Variants in SYBU observed in about 807,000 individuals in gnomAD.
SYBU encodes the protein GOLSYN A protein.
A neutral mutation model predicts 35.9 loss-of-function variants in SYBU; 21 were observed. The observed-to-expected ratio is 0.58, with a 90% CI of 0.41 to 0.84. SYBU has a LOEUF of 0.84. Ranked by LOEUF, SYBU falls within the 40% of genes least tolerant of loss-of-function variation. The probability of loss-of-function intolerance (pLI) is 0.00; values close to 1 mark genes in which losing one functional copy is unlikely to be tolerated. For missense variants in SYBU, 768 were observed against 848.2 expected, an observed-to-expected ratio of 0.91 and a Z score of 1.17; for synonymous variants, 319 against 324.3, an observed-to-expected ratio of 0.98 and a Z score of 0.18.
chr8:109,619,369 G>A (rs370472614), intron 2 of SYBU, among the ~76,000 whole-genome samples: 10 of 151,736 alleles, frequency 6.6e-5, no homozygotes, highest in African/African-American at 1.7e-4. Flanking sequence ...GATTACAGAC[G>A]TATGCCACCA....
intron 1 of SYBU, chr8:109,643,283 G>T: frequency 1.5e-6 from 1 of 674,650 alleles, no homozygotes; most frequent in Non-Finnish European, 1.9e-6. Flanking sequence ...CCTCCCAAAG[G>T]CTCTTTATTA....
chr8:109,619,319 G>A (rs1364054916), intron 2 of SYBU, among the ~76,000 whole-genome samples: 2 of 151,938 alleles, frequency 1.3e-5, no homozygotes, highest in African/African-American at 2.4e-5. Flanking sequence ...CACATCCCAG[G>A]TTCAAGCAAT....
intron 2 of SYBU, among the ~76,000 whole-genome samples, chr8:109,641,717 TCAATC>T (rs1269604794): frequency 6.6e-6 from 1 of 152,234 alleles, no homozygotes; most frequent in Non-Finnish European, 1.5e-5. Flanking sequence ...AGTATAAAAT[TCAATC>T]CAATATTTTT....
chr8:109,674,346 A>T (rs1586990231), intron 1 of SYBU, among the ~76,000 whole-genome samples: 2 of 152,082 alleles, frequency 1.3e-5, no homozygotes, highest in Admixed American at 1.3e-4. Context: ...CTCTGCAGAA[A>T]CCCTACAAGC....
At chr8:109,664,687 A>C (rs1039434490) in intron 1 of SYBU, among the ~76,000 whole-genome samples, 13 of 152,208 alleles carry the variant, frequency 8.5e-5, no homozygotes, top group Non-Finnish European at 8.8e-5. Context: ...AATTTGAGTG[A>C]GACCTTGAAG....
At chr8:109,648,956 T>A (rs949170455), upstream of SYBU, 1 of 148,378 alleles carries the variant, frequency 6.7e-6, no homozygotes, top group Non-Finnish European at 1.5e-5. Context: ...CTGCCTGTTT[T>A]CCCATAAGAG....
intron 2 of SYBU, among the ~76,000 whole-genome samples, chr8:109,639,245 A>G (rs187415770): frequency 1.1e-4 from 16 of 152,348 alleles, no homozygotes; most frequent in African/African-American, 3.4e-4. Context: ...TTGTTTCATT[A>G]CAAATGATAG....
chr8:109,683,077 C>T (rs899334914), upstream of SYBU, among the ~76,000 whole-genome samples: 1 of 152,212 alleles, frequency 6.6e-6, no homozygotes, highest in African/African-American at 2.4e-5. Flanking sequence ...TAGGGCAGAA[C>T]ATTCATGGAA....
In SYBU at chr8:109,584,932, C is replaced by A. The variant is rs111305422; in HGVS notation, c.530+1128G>T. Among the ~76,000 whole-genome samples the A allele has an allele frequency of 6.1e-4, 93 of 152,248 alleles. 1 individual carries two copies. The highest frequency in any genetic ancestry group is 3.4e-3 in the Middle Eastern group (1 of 294). On this transcript the variant is annotated intron_variant, in intron 4 of 6. Transcript: ENST00000276646. This position sits in a 1 kb window ranked among gnomAD's most constrained non-coding sequence, Gnocchi z 4.0. ...CAAAGTCAGAAGCCAGGTCCCCTCACGTTCTGTGGCTCCCTCCATAGCTTT... is the reference window on the plus strand; with the variant it reads ...CAAAGTCAGAAGCCAGGTCCCCTCAAGTTCTGTGGCTCCCTCCATAGCTTT...
At chr8:109,613,528 T>C (rs2844242) in intron 3 of SYBU, among the ~76,000 whole-genome samples, 52,776 of 151,688 alleles carry the variant, frequency 0.35, 11,315 homozygotes, top group African/African-American at 0.6. Flanking sequence ...GTTAGAAAGT[T>C]CTCCTCCCCC....
At chr8:109,654,957 C>T (rs28637942) in intron 1 of SYBU, among the ~76,000 whole-genome samples, 2 of 152,132 alleles carry the variant, frequency 1.3e-5, no homozygotes, top group Non-Finnish European at 2.9e-5. Context: ...ACACTTGTCC[C>T]GTTCAGTTCA....
chr8:109,575,835 T>A lies in SYBU; in HGVS notation c.1063A>T (p.Ile355Phe). 6.2e-7 allele frequency: 1 copy of A among 1,614,090 alleles called. No individual in the cohort carries two copies. Among genetic ancestry groups the A allele is most frequent in the Non-Finnish European group, 8.5e-7 (1 of 1,180,004 alleles). ...TTTATGTCCACAAAATATTTCTGAA[T>A]GCCTTTATCTTTATCAGCCAAGCTG... The part of the protein sequence containing the change: ...RSSLADKDKG[I>F]QKYFVDINIQ... The change falls in exon 7 of 7, where the codon ATT becomes TTT. Residue 355 changes from isoleucine (I) to phenylalanine (F), a missense_variant. Physicochemically the swap from Ile to Phe is conservative, Grantham distance 21. Transcript: ENST00000276646.
At chr8:109,637,492 T>C (rs368495641) in intron 2 of SYBU, among the ~76,000 whole-genome samples, 2 of 152,240 alleles carry the variant, frequency 1.3e-5, no homozygotes, top group Admixed American at 1.3e-4. Context: ...ATTAGGTACA[T>C]GCTTCTGTGG....
chr8:109,593,395 C>A (rs1824508490), intron 3 of SYBU, among the ~76,000 whole-genome samples: 1 of 152,160 alleles, frequency 6.6e-6, no homozygotes, highest in Non-Finnish European at 1.5e-5. Context: ...ATGATCTGTA[C>A]CCCCACGGCT....
upstream of SYBU, chr8:109,646,742 AAAC>A (rs1269697309): frequency 6.6e-6 from 1 of 152,224 alleles, no homozygotes; most frequent in African/African-American, 2.4e-5. Flanking sequence ...CTAATAGCAG[AAAC>A]ACCCTCCACT....
At chr8:109,684,036 T>A (rs1043359327), upstream of SYBU, among the ~76,000 whole-genome samples, 5 of 152,216 alleles carry the variant, frequency 3.3e-5, no homozygotes, top group African/African-American at 1.2e-4. Context: ...CAGTCTCAGA[T>A]ATGTCTTTAT....
chr8:109,666,299 G>A (rs545170670), intron 1 of SYBU, among the ~76,000 whole-genome samples: 15 of 152,224 alleles, frequency 9.9e-5, no homozygotes, highest in African/African-American at 2.2e-4. Context: ...AATTCTTGTG[G>A]TAGGGGCTGT....
intron 1 of SYBU, among the ~76,000 whole-genome samples, chr8:109,651,448 C>CTTTTTTTT (rs535652540): frequency 6.2e-5 from 4 of 64,466 alleles, no homozygotes; most frequent in Non-Finnish European, 1.2e-4. Flanking sequence ...GAAATTGAGA[C>CTTTTTTTT]TTTTTTTTTT....
At chr8:109,611,750 A>G (rs2022932) in intron 3 of SYBU, among the ~76,000 whole-genome samples, 48,135 of 151,840 alleles carry the variant, frequency 0.32, 8,769 homozygotes, top group African/African-American at 0.5. Context: ...GAAAACACTG[A>G]CGACCTTAAC....
Sources: allele counts gnomAD v4.1 joint callset (sites outside exome capture counted in the v4.1 genomes callset), GRCh38; gene constraint gnomAD v4.1.1; non-coding constraint Gnocchi (gnomAD v3.1); transcripts MANE v1.5; gene names NCBI Gene and HGNC (gene_info 2026-07-23, HGNC 2026-07-21).